The following VPS41 variants were observed in gnomAD, a reference collection of about 807,000 sequenced individuals.
VPS41 encodes the protein vacuolar protein sorting-associated protein 41 homolog.
Under a neutral mutation model 130.9 loss-of-function variants are expected in VPS41, and 85 were observed. The observed-to-expected ratio is 0.65, with a 90% CI of 0.55 to 0.78. VPS41 has a LOEUF of 0.78. VPS41 is among the 30% of genes least tolerant of loss of function. The pLI is 0.00. For synonymous variants in VPS41, 335 were observed against 332.9 expected, an observed-to-expected ratio of 1.01 and a Z score of -0.07; for missense variants, 874 against 1,018.7, an observed-to-expected ratio of 0.86 and a Z score of 1.93.
intron 4 of VPS41, among the ~76,000 whole-genome samples, chr7:38,850,309 A>G (rs1435115662): frequency 2.0e-5 from 3 of 152,184 alleles, no homozygotes; most frequent in Admixed American, 6.5e-5. Context: ...GTCTTTTCAC[A>G]TGGCTACTGG....
At chr7:38,787,294 C>T (rs1351853421) in intron 10 of VPS41, among the ~76,000 whole-genome samples, 1 of 152,100 alleles carries the variant, frequency 6.6e-6, no homozygotes, top group African/African-American at 2.4e-5. Context: ...GTCAGCTCTC[C>T]AACTACCATA....
chr7:38,851,316 T>C (rs1785849188), intron 4 of VPS41, among the ~76,000 whole-genome samples: 1 of 152,236 alleles, frequency 6.6e-6, no homozygotes, highest in African/African-American at 2.4e-5. Context: ...GGGCATTTAA[T>C]TCTTTTCCTC....
At chr7:38,746,201 T>C (rs1195330908) in intron 22 of VPS41, among the ~76,000 whole-genome samples, 1 of 150,176 alleles carries the variant, frequency 6.7e-6, no homozygotes, top group Non-Finnish European at 1.5e-5. Flanking sequence ...CTTTTGATGA[T>C]CAAGAAGGAT....
At chr7:38,795,216 A>G (rs911491224) in intron 9 of VPS41, among the ~76,000 whole-genome samples, 5 of 152,250 alleles carry the variant, frequency 3.3e-5, no homozygotes, top group Admixed American at 1.3e-4. Flanking sequence ...TTAAAAGAAG[A>G]TTGAAAAAGA....
Position 38,835,217 on chromosome 7 carries a change from T to G in VPS41, c.247-4889A>C, listed in dbSNP as rs1351394387. On this transcript the variant is annotated intron_variant, in intron 4 of 28. Transcript: ENST00000310301. ...TAGCCTCTTTGCAGAAACTCAACAA[T>G]TCACTTTATTTTAAAATTTTTCTAT... Among the ~76,000 whole-genome samples, 5 of 152,036 alleles carry G rather than the reference T, an allele frequency of 3.3e-5. No individual in the cohort carries two copies. In the South Asian group the frequency reaches 8.3e-4, roughly 25 times the overall value.
rs141775142 is a variant in VPS41, at chr7:38,771,671, TA to T, written c.1129-418del. On this transcript the variant is annotated intron_variant, in intron 13 of 28. Coordinates refer to ENST00000310301, the MANE Select transcript of VPS41 (RefSeq NM_014396.4). ...AGGAGCATTTTCCCTTATGTTTCAATAAAAAAGTGAACTATACGCATGTTTA... is the reference window on the plus strand; with the variant it reads ...AGGAGCATTTTCCCTTATGTTTCAATAAAAAGTGAACTATACGCATGTTTA... Among the ~76,000 whole-genome samples, 162 of 152,284 alleles carry T rather than the reference TA, an allele frequency of 1.1e-3. 1 individual carries two copies. The highest frequency in any genetic ancestry group is 3.8e-3 in the African/African-American group (156 of 41,560).
At chr7:38,868,998 G>T (rs1786288147) in intron 3 of VPS41, 148 bp downstream of exon 3, 3 of 584,206 alleles carry the variant, frequency 5.1e-6, no homozygotes, top group Non-Finnish European at 9.0e-6. Context: ...AATATTTGGG[G>T]TTTTTTGTTG....
At position 38,748,706 on chromosome 7, in the gene VPS41, TA is replaced by T. The variant is rs538276627; in HGVS notation, c.1927-3094del. Among the ~76,000 whole-genome samples the T allele has an allele frequency of 6.9e-4, 105 of 151,552 alleles. 1 individual carries two copies. The Middle Eastern group carries it at 0.01, about 15-fold the overall frequency. On this transcript the variant is annotated intron_variant, in intron 22 of 28. Coordinates refer to ENST00000310301, the MANE Select transcript of VPS41 (RefSeq NM_014396.4). The stretch of plus-strand genomic sequence containing the variant: ...GTAAATTACAGGACAGTTTAACAGT[TA>T]AAAAAAATAATCTTTCATGATTCTT...
At chr7:38,743,293 C>A (rs1468129943) in intron 24 of VPS41, 109 bp downstream of exon 24, 2 of 1,241,498 alleles carry the variant, frequency 1.6e-6, no homozygotes, top group Non-Finnish European at 2.3e-6. Context: ...ATTGTAGGTA[C>A]GCTACCATTT....
chr7:38,728,410 C>T (rs1425903273), intron 27 of VPS41, 132 bp downstream of exon 27: 1 of 1,030,826 alleles, frequency 9.7e-7, no homozygotes, highest in African/African-American at 1.6e-5. Flanking sequence ...ATGGAAGCCA[C>T]AACACTTCTC....
chr7:38,820,368 T>C (rs1264149334), intron 6 of VPS41, among the ~76,000 whole-genome samples: 1 of 152,180 alleles, frequency 6.6e-6, no homozygotes, highest in Non-Finnish European at 1.5e-5. Context: ...CTCCTTTACC[T>C]GCTGGTCAAT....
Position 38,763,452 on chromosome 7 carries a change from T to C in VPS41, c.1422+3A>G, listed in dbSNP as rs373562335. The stretch of plus-strand genomic sequence containing the variant: ...TAAATATGACCACATCAGAACACCA[T>C]ACCTCATAATCACTCTCCAAAAATT... On this transcript the variant is annotated splice_donor_region_variant and intron_variant, in intron 17 of 28. Transcript: ENST00000310301. The C allele has an allele frequency of 1.9e-6, 3 of 1,586,160 alleles. No homozygotes were observed. The highest frequency in any genetic ancestry group is 1.1e-5 in the South Asian group (1 of 87,150).
intron 4 of VPS41, among the ~76,000 whole-genome samples, chr7:38,848,906 C>A (rs1785786840): frequency 6.6e-6 from 1 of 152,126 alleles, no homozygotes; most frequent in African/African-American, 2.4e-5. Flanking sequence ...GGGTCAAGGG[C>A]TGGACAGGAG....
In VPS41 at chr7:38,838,278, C is replaced by T. The variant is rs188679792; in HGVS notation, c.247-7950G>A. Among the ~76,000 whole-genome samples the T allele has an allele frequency of 7.2e-5, 11 of 152,166 alleles. No homozygotes were observed. The South Asian group carries it at 8.3e-4, about 11-fold the overall frequency. ...AAAGAGAGAAAGGGTACAGGATATT[C>T]CCAAACATAGAGGGAAACCTTCTAG... On this transcript the variant is annotated intron_variant, in intron 4 of 28. Transcript: ENST00000310301.
chr7:38,746,343 T>C (rs1372965264), intron 22 of VPS41, among the ~76,000 whole-genome samples: 1 of 151,984 alleles, frequency 6.6e-6, no homozygotes, highest in Non-Finnish European at 1.5e-5. Context: ...TTCTCTGTGC[T>C]GGGTGCTAGA....
At position 38,745,631 on chromosome 7, in the gene VPS41, TA is replaced by T. The variant is rs1402757285; in HGVS notation, c.1927-19del. 1 of 1,592,268 alleles carries T rather than the reference TA, an allele frequency of 6.3e-7. No individual in the cohort carries two copies. Among genetic ancestry groups the T allele is most frequent in the South Asian group, 1.1e-5 (1 of 87,214 alleles). ...TCAAGAGCCTTCAATTAAAGCAGGGTAAAAATGTTACTATAGGCGACCAAAT... is the reference window on the plus strand; with the variant it reads ...TCAAGAGCCTTCAATTAAAGCAGGGTAAAATGTTACTATAGGCGACCAAAT... On this transcript the variant is annotated intron_variant, in intron 22 of 28. Coordinates refer to ENST00000310301, the MANE Select transcript of VPS41 (RefSeq NM_014396.4).
chr7:38,874,150 A>G (rs572060346), intron 2 of VPS41, among the ~76,000 whole-genome samples: 3 of 152,296 alleles, frequency 2.0e-5, no homozygotes, highest in South Asian at 4.1e-4. Flanking sequence ...TATCTTTCAC[A>G]TATATTGGTA....
Position 38,758,283 on chromosome 7 carries a change from G to C in VPS41, c.1550+71C>G, listed in dbSNP as rs1044166524. 7.2e-5 allele frequency: 103 copies of C among 1,423,074 alleles called. No homozygotes were observed. In the African/African-American group the frequency reaches 1.4e-3, roughly 19 times the overall value. 88.2% of individuals were successfully genotyped at this position (1,423,074 alleles called of 1,614,324 possible). Reference sequence around the variant, plus strand: ...AATACATCTTCTCCACTTGGAGTTTGCCAAATCTAAAGTATGAAAAACTTT... The same window carrying C: ...AATACATCTTCTCCACTTGGAGTTTCCCAAATCTAAAGTATGAAAAACTTT... On this transcript the variant is annotated intron_variant, in intron 18 of 28. Coordinates refer to ENST00000310301, the MANE Select transcript of VPS41 (RefSeq NM_014396.4).
At chr7:38,879,772 C>T (rs930133554) in intron 2 of VPS41, among the ~76,000 whole-genome samples, 5 of 152,012 alleles carry the variant, frequency 3.3e-5, no homozygotes, top group Admixed American at 6.5e-5. Context: ...GGACCGCAGG[C>T]GGTAATGCTC....
Sources: gnomAD v4.1 joint callset for allele counts (sites outside exome capture counted in the v4.1 genomes callset) on GRCh38, gnomAD v4.1.1 for gene constraint, MANE v1.5 for transcripts, NCBI Gene and HGNC (gene_info 2026-07-23, HGNC 2026-07-21) for gene names.